Variants in CAPS2 observed in about 807,000 individuals in gnomAD.
CAPS2 encodes the protein calcyphosin-2.
A neutral mutation model predicts 86.5 loss-of-function variants in CAPS2; 98 were observed. The observed-to-expected ratio is 1.13, with a 90% CI of 0.96 to 1.34. CAPS2 has a LOEUF of 1.34. CAPS2 is among the 40% of genes most tolerant of loss of function. The probability of loss-of-function intolerance (pLI) is 0.00; values close to 1 mark genes in which losing one functional copy is unlikely to be tolerated. For synonymous variants in CAPS2, 210 were observed against 225.1 expected (o/e 0.93, Z 0.60); for missense variants, 729 against 686.8 (o/e 1.06, Z -0.69).
At chr12:75,311,324 G>C (rs1367158872) in intron 7 of CAPS2, among the ~76,000 whole-genome samples, 1 of 152,080 alleles carries the variant, frequency 6.6e-6, no homozygotes, top group African/African-American at 2.4e-5. Flanking sequence ...CATGTTTGTT[G>C]ACAAGCTGGA....
intron 8 of CAPS2, among the ~76,000 whole-genome samples, chr12:75,301,313 G>A (rs1489105248): frequency 6.6e-6 from 1 of 152,192 alleles, no homozygotes; most frequent in African/African-American, 2.4e-5. Context: ...TCTACAAAAA[G>A]GAAGCAGGGA....
At chr12:75,369,986 C>A in intron 1 of CAPS2, 2 of 1,075,894 alleles carry the variant, frequency 1.9e-6, no homozygotes, top group Non-Finnish European at 2.7e-6. Flanking sequence ...TATACCTAAC[C>A]GTATGTATCA....
At chr12:75,276,354 T>C, downstream of CAPS2, 1 of 1,428,970 alleles carries the variant, frequency 7.0e-7, no homozygotes. Flanking sequence ...CATAGCCTAA[T>C]GTACACAATT....
chr12:75,326,426 G>C, exon 1 of CAPS2: 1 of 1,429,814 alleles, frequency 7.0e-7, no homozygotes, highest in Admixed American at 2.0e-5. Context: ...ACTTGTAGAG[G>C]CTTCTTTCTT....
In CAPS2 at chr12:75,378,083, C is replaced by T. The variant is rs149971923; in HGVS notation, c.-395+12755G>A. 1.5e-3 allele frequency among the ~76,000 whole-genome samples: 221 copies of T among 152,068 alleles called. 1 individual carries two copies. Among genetic ancestry groups the T allele is most frequent in the African/African-American group, 5.0e-3 (206 of 41,474 alleles). On this transcript the variant is annotated intron_variant, in intron 1 of 5. Coordinates refer to the CAPS2 transcript ENST00000551829. Reference sequence around the variant, plus strand: ...TGCAATTTTGGCTCACTGCAACCTCCACCTACCAGGCTCAAGCAATTCTCC... The same window carrying T: ...TGCAATTTTGGCTCACTGCAACCTCTACCTACCAGGCTCAAGCAATTCTCC...
chr12:75,351,131 G>T (rs1390866208), intron 1 of CAPS2, among the ~76,000 whole-genome samples: 32 of 152,182 alleles, frequency 2.1e-4, no homozygotes, highest in African/African-American at 7.7e-4. Context: ...AAATAAGGCA[G>T]GCAGACAAGA....
At chr12:75,289,184 G>A (rs138331268) in intron 14 of CAPS2, among the ~76,000 whole-genome samples, 41 of 152,032 alleles carry the variant, frequency 2.7e-4, no homozygotes, top group African/African-American at 9.2e-4. Flanking sequence ...TTTCTCCCTC[G>A]TCTGGTTAAT....
intron 1 of CAPS2, among the ~76,000 whole-genome samples, chr12:75,346,380 G>C (rs2042446411): frequency 6.6e-6 from 1 of 152,014 alleles, no homozygotes; most frequent in Non-Finnish European, 1.5e-5. Context: ...CACAAAGATG[G>C]CTGAAAGCAA....
At chr12:75,319,068 AATTTC>A (rs1160746360) in intron 5 of CAPS2, among the ~76,000 whole-genome samples, 1 of 152,230 alleles carries the variant, frequency 6.6e-6, no homozygotes, top group Non-Finnish European at 1.5e-5. Context: ...TTTCATGTTT[AATTTC>A]AAGATGTCTC....
At chr12:75,276,670 C>T (rs2032991890), downstream of CAPS2, 1 of 821,578 alleles carries the variant, frequency 1.2e-6, no homozygotes, top group Non-Finnish European at 1.5e-6. Context: ...TTAAAATTCT[C>T]AACTTTTATT....
In CAPS2 at chr12:75,363,675, A is replaced by G. The variant is rs2043772281; in HGVS notation, c.-395+27163T>C. Reference sequence around the variant, plus strand: ...AATTTTGGGCAGTGAGGCCAGAGGAAAAAAAAATGGAGCCATGTGTCAACA... The same window carrying G: ...AATTTTGGGCAGTGAGGCCAGAGGAGAAAAAAATGGAGCCATGTGTCAACA... On this transcript the variant is annotated intron_variant, in intron 1 of 5. Transcript: ENST00000551829. Among the ~76,000 whole-genome samples the G allele has an allele frequency of 2.0e-5, 3 of 152,136 alleles. No homozygotes were observed. The South Asian group carries it at 6.2e-4, about 32-fold the overall frequency.
At chr12:75,390,604 C>A (rs533752016) in intron 1 of CAPS2, among the ~76,000 whole-genome samples, 1 of 152,222 alleles carries the variant, frequency 6.6e-6, no homozygotes, top group East Asian at 1.9e-4. Flanking sequence ...AGGCCCTGCA[C>A]CAAATTTCCA....
At chr12:75,353,869 C>T (rs982024736) in intron 1 of CAPS2, among the ~76,000 whole-genome samples, 1 of 152,096 alleles carries the variant, frequency 6.6e-6, no homozygotes. Context: ...TTCATTATAT[C>T]ATCAGAACTA....
chr12:75,331,258 A>T (rs1018573729), upstream of CAPS2, among the ~76,000 whole-genome samples: 5 of 152,216 alleles, frequency 3.3e-5, no homozygotes, highest in African/African-American at 1.2e-4. Context: ...AGAGTTTATG[A>T]AAGTTAATCC....
intron 1 of CAPS2, among the ~76,000 whole-genome samples, chr12:75,377,005 G>C (rs1239559388): frequency 6.6e-6 from 1 of 152,110 alleles, no homozygotes; most frequent in Non-Finnish European, 1.5e-5. Context: ...TATATTCCTT[G>C]ATTCTCCACA....
intron 1 of CAPS2, among the ~76,000 whole-genome samples, chr12:75,359,355 G>GTTTTTTTTTTTTTT (rs1463566931): frequency 4.3e-5 from 2 of 46,432 alleles, no homozygotes; most frequent in Non-Finnish European, 8.5e-5. Flanking sequence ...CAGCATTGTT[G>GTTTTTTTTTTTTTT]TCTTTTTTTT....
chr12:75,363,739 C>T (rs2043777071), intron 1 of CAPS2, among the ~76,000 whole-genome samples: 1 of 152,086 alleles, frequency 6.6e-6, no homozygotes, highest in Non-Finnish European at 1.5e-5. Context: ...GAGATTTATT[C>T]TGAGCAAACA....
intron 6 of CAPS2, 21 bp from the exon 7 acceptor site, chr12:75,312,936 C>A: frequency 1.4e-6 from 2 of 1,474,906 alleles, no homozygotes; most frequent in Non-Finnish European, 1.9e-6. Flanking sequence ...TAAATAAAGA[C>A]AACTTCACCA....
At chr12:75,331,107 G>A (rs527994053), upstream of CAPS2, among the ~76,000 whole-genome samples, 6 of 152,010 alleles carry the variant, frequency 3.9e-5, no homozygotes, top group South Asian at 1.2e-3. Flanking sequence ...TGTATGCTCT[G>A]TACACAATAT....
Sources: allele counts gnomAD v4.1 joint callset (sites outside exome capture counted in the v4.1 genomes callset), GRCh38; gene constraint gnomAD v4.1.1; transcripts MANE v1.5; gene names NCBI Gene and HGNC (gene_info 2026-07-23, HGNC 2026-07-21).